The following NFIB variants were observed in gnomAD, a reference collection of about 807,000 sequenced individuals.
NFIB encodes nuclear factor 1 B-type.
NFIB carries 11 observed loss-of-function variants against 61.5 expected under a neutral mutation model. The observed-to-expected ratio is 0.18, with a 90% confidence interval of 0.11 to 0.30. NFIB has a LOEUF of 0.30. Among genes scored for constraint, NFIB ranks in the 10% least tolerant of loss-of-function variants. NFIB has a pLI of 1.00. For missense variants in NFIB, 471 were observed against 608.9 expected, an observed-to-expected ratio of 0.77 and a Z score of 2.38; for synonymous variants, 260 against 216.5, an observed-to-expected ratio of 1.20 and a Z score of -1.76.
At chr9:14,459,744 G>A in the NFIB span, among the ~76,000 whole-genome samples, 1 of 152,144 alleles carries the variant, frequency 6.6e-6, no homozygotes, top group Non-Finnish European at 1.5e-5. Flanking sequence ...AGACATTTAT[G>A]CAGCCAAAAG....
At chr9:14,516,287 G>C in the NFIB span, among the ~76,000 whole-genome samples, 1 of 152,152 alleles carries the variant, frequency 6.6e-6, no homozygotes, top group East Asian at 1.9e-4. Flanking sequence ...CAACATTTGG[G>C]ATCTATTACC....
At chr9:14,407,580 G>A in the NFIB span, among the ~76,000 whole-genome samples, 1 of 152,082 alleles carries the variant, frequency 6.6e-6, no homozygotes, top group African/African-American at 2.4e-5. Flanking sequence ...TTTCCCCAAG[G>A]AAAACATGAA....
chr9:14,389,070 T>C (rs753690819), intron 1 of NFIB, among the ~76,000 whole-genome samples: 14 of 152,220 alleles, frequency 9.2e-5, no homozygotes, highest in Non-Finnish European at 1.6e-4. Flanking sequence ...AGAACTGCAA[T>C]ATTAGATGAT....
chr9:14,521,907 T>A, the NFIB span, among the ~76,000 whole-genome samples: 1 of 152,234 alleles, frequency 6.6e-6, no homozygotes, highest in African/African-American at 2.4e-5. Context: ...TAGAGAATAT[T>A]CATCAATTCC....
chr9:14,282,679 G>A (rs2058450395), intron 2 of NFIB, among the ~76,000 whole-genome samples: 1 of 152,216 alleles, frequency 6.6e-6, no homozygotes, highest in Non-Finnish European at 1.5e-5. Context: ...AGGAAGGCAA[G>A]AGTAGTTGTC....
intron 10 of NFIB, among the ~76,000 whole-genome samples, chr9:14,099,491 A>G (rs2035392667): frequency 6.6e-6 from 1 of 152,236 alleles, no homozygotes; most frequent in African/African-American, 2.4e-5. Context: ...ACTAAAAAAG[A>G]TGGATAAAGC....
chr9:14,427,937 G>GGTTTTTTTTTTTT, the NFIB span, among the ~76,000 whole-genome samples: 1 of 43,384 alleles, frequency 2.3e-5, no homozygotes, highest in Non-Finnish European at 4.4e-5. Flanking sequence ...TAATTCAGTT[G>GGTTTTTTTTTTTT]TTTTTTTTTT....
At chr9:14,265,663 T>A (rs1413400092) in intron 2 of NFIB, among the ~76,000 whole-genome samples, 2 of 152,212 alleles carry the variant, frequency 1.3e-5, no homozygotes, top group African/African-American at 4.8e-5. Flanking sequence ...TTGACCACCA[T>A]ATCCCTCTCT....
At chr9:14,181,761 A>T (rs1200752883) in intron 2 of NFIB, among the ~76,000 whole-genome samples, 2 of 152,064 alleles carry the variant, frequency 1.3e-5, no homozygotes, top group Non-Finnish European at 2.9e-5. Flanking sequence ...GAGCCTCCCT[A>T]TGTTTTACTT....
At chr9:14,516,280 C>T in the NFIB span, among the ~76,000 whole-genome samples, 2 of 152,190 alleles carry the variant, frequency 1.3e-5, no homozygotes, top group Admixed American at 1.3e-4. Flanking sequence ...ATCAGTACAA[C>T]ATTTGGGATC....
chr9:14,153,124 G>T (rs1315947605), intron 4 of NFIB, among the ~76,000 whole-genome samples: 1 of 152,098 alleles, frequency 6.6e-6, no homozygotes, highest in Non-Finnish European at 1.5e-5. Context: ...CATGGATCCA[G>T]AGATCACATG....
At chr9:14,341,957 T>G (rs1300093593) in intron 1 of NFIB, among the ~76,000 whole-genome samples, 2 of 141,496 alleles carry the variant, frequency 1.4e-5, no homozygotes, top group Non-Finnish European at 3.1e-5. Context: ...AAAAAAAAAA[T>G]CAGTCATTTT....
chr9:14,241,456 T>C (rs550805684), intron 2 of NFIB, among the ~76,000 whole-genome samples: 3 of 152,302 alleles, frequency 2.0e-5, no homozygotes, highest in African/African-American at 7.2e-5. Flanking sequence ...CACGTAAGAA[T>C]TGGCTTCCAA....
intron 10 of NFIB, among the ~76,000 whole-genome samples, chr9:14,110,460 T>C (rs1235968877): frequency 6.6e-6 from 1 of 152,094 alleles, no homozygotes; most frequent in South Asian, 2.1e-4. Flanking sequence ...CTTTCTAATT[T>C]TGAATTTCTC....
intron 1 of NFIB, among the ~76,000 whole-genome samples, chr9:14,394,638 T>C (rs1277724117): frequency 1.3e-5 from 2 of 152,158 alleles, no homozygotes; most frequent in Non-Finnish European, 2.9e-5. Flanking sequence ...TTATTACAGT[T>C]CAAGGTGAGA....
chr9:14,410,135 C>T, the NFIB span, among the ~76,000 whole-genome samples: 1 of 151,126 alleles, frequency 6.6e-6, no homozygotes, highest in African/African-American at 2.4e-5. Flanking sequence ...CATCAAAATA[C>T]AGTAAGTGAC....
chr9:14,334,888 T>C (rs561840925), intron 1 of NFIB, among the ~76,000 whole-genome samples: 1 of 152,352 alleles, frequency 6.6e-6, no homozygotes, highest in East Asian at 1.9e-4. Flanking sequence ...TTTCTATCAT[T>C]ATAGCTTAAT....
the NFIB span, among the ~76,000 whole-genome samples, chr9:14,501,410 C>T: frequency 6.6e-6 from 1 of 152,104 alleles, no homozygotes; most frequent in East Asian, 1.9e-4. Context: ...GTATTTTAAT[C>T]TTCTTTCTTC....
At chr9:14,381,518 T>A (rs1459679216) in intron 1 of NFIB, among the ~76,000 whole-genome samples, 1 of 152,220 alleles carries the variant, frequency 6.6e-6, no homozygotes, top group African/African-American at 2.4e-5. Context: ...CTGTAACGAT[T>A]TTTTAAATAG....
Sources: allele counts gnomAD v4.1 joint callset (sites outside exome capture counted in the v4.1 genomes callset), GRCh38; gene constraint gnomAD v4.1.1; transcripts MANE v1.5; gene names NCBI Gene and HGNC (gene_info 2026-07-23, HGNC 2026-07-21).